RORA: variants seen among roughly 807,000 people sequenced by gnomAD.
RORA encodes the protein RAR related orphan receptor A.
Under a neutral mutation model 69.5 loss-of-function variants are expected in RORA, and 7 were observed. The observed-to-expected ratio is 0.10, with a 90% CI of 0.06 to 0.19. The LOEUF (loss-of-function observed/expected upper bound fraction) is 0.19. Ranked by LOEUF, RORA falls within the 10% of genes least tolerant of loss-of-function variation. The pLI is 1.00. For missense variants in RORA, 457 were observed against 663.0 expected, an observed-to-expected ratio of 0.69 and a Z score of 3.41; for synonymous variants, 261 against 240.8, an observed-to-expected ratio of 1.08 and a Z score of -0.78.
At chr15:61,108,370 T>A (rs1317991490) in intron 1 of RORA, among the ~76,000 whole-genome samples, 1 of 152,206 alleles carries the variant, frequency 6.6e-6, no homozygotes, top group Non-Finnish European at 1.5e-5. Flanking sequence ...CCCTGCACAA[T>A]GTTACTGCTA....
At chr15:61,177,123 C>T (rs1816624) in intron 1 of RORA, among the ~76,000 whole-genome samples, 117,818 of 152,164 alleles carry the variant, frequency 0.77, 45,938 homozygotes, top group Non-Finnish European at 0.81. Flanking sequence ...TTCTGTGAAG[C>T]GATGGAAGGA....
chr15:61,124,585 A>G (rs1424778922), intron 1 of RORA, among the ~76,000 whole-genome samples: 1 of 152,242 alleles, frequency 6.6e-6, no homozygotes, highest in African/African-American at 2.4e-5. Context: ...TCATTCTTTA[A>G]AAGCAATGCC....
chr15:60,958,488 CTG>C (rs1245737887), intron 1 of RORA, among the ~76,000 whole-genome samples: 13 of 152,106 alleles, frequency 8.5e-5, no homozygotes, highest in Non-Finnish European at 1.3e-4. Context: ...AACTGAATAA[CTG>C]TATATTAATT....
At chr15:60,642,728 T>A (rs910857975) in intron 2 of RORA, among the ~76,000 whole-genome samples, 1 of 151,984 alleles carries the variant, frequency 6.6e-6, no homozygotes, top group African/African-American at 2.4e-5. Flanking sequence ...AAAAAAAATT[T>A]AAAAATTAGC....
intron 1 of RORA, among the ~76,000 whole-genome samples, chr15:60,715,434 G>A (rs914551101): frequency 3.9e-5 from 6 of 152,172 alleles, no homozygotes; most frequent in Non-Finnish European, 8.8e-5. Context: ...AACTTTCATG[G>A]TGTTTCTCCA....
At chr15:60,784,261 A>T (rs1034104235) in intron 1 of RORA, among the ~76,000 whole-genome samples, 19 of 152,168 alleles carry the variant, frequency 1.2e-4, no homozygotes, top group African/African-American at 4.1e-4. Flanking sequence ...TGTTCATGTT[A>T]TTCCTTTGCA....
chr15:61,206,164 AT>A (rs2079939287), intron 1 of RORA, among the ~76,000 whole-genome samples: 1 of 44,662 alleles, frequency 2.2e-5, no homozygotes, highest in Admixed American at 1.8e-4. Context: ...CTCATTGAGG[AT>A]GCAGATAATA....
At chr15:60,897,217 C>G (rs1303402645) in intron 1 of RORA, among the ~76,000 whole-genome samples, 2 of 152,218 alleles carry the variant, frequency 1.3e-5, no homozygotes, top group Non-Finnish European at 2.9e-5. Context: ...TGCCACTTCA[C>G]TCATCTGTGG....
At chr15:61,029,245 A>T (rs562645847) in intron 1 of RORA, among the ~76,000 whole-genome samples, 67 of 152,290 alleles carry the variant, frequency 4.4e-4, no homozygotes, top group African/African-American at 1.6e-3. Context: ...GGAAATGACA[A>T]GCTGAGGAGC....
intron 2 of RORA, among the ~76,000 whole-genome samples, chr15:60,654,288 A>T (rs1179319214): frequency 6.6e-6 from 1 of 152,218 alleles, no homozygotes; most frequent in Non-Finnish European, 1.5e-5. Context: ...GTTTTAGAAG[A>T]GGCCGATTTA....
chr15:60,627,093 A>G (rs951661029), intron 2 of RORA: 7 of 735,636 alleles, frequency 9.5e-6, no homozygotes, highest in Non-Finnish European at 1.5e-5. Context: ...GCTGAAGGGT[A>G]ACAGTCCTCA....
At chr15:60,698,954 A>T (rs1241464221) in intron 1 of RORA, among the ~76,000 whole-genome samples, 10 of 151,858 alleles carry the variant, frequency 6.6e-5, no homozygotes, top group Admixed American at 6.6e-4. Flanking sequence ...ATCTTTGCTC[A>T]CTTTTGTATT....
At chr15:61,200,145 A>G (rs1057269008) in intron 1 of RORA, among the ~76,000 whole-genome samples, 3 of 152,224 alleles carry the variant, frequency 2.0e-5, no homozygotes, top group African/African-American at 7.2e-5. Context: ...AAGTTGTGGT[A>G]AGGACTGGGG....
rs181511838 is a variant in RORA, at chr15:60,937,462, A to G, written c.167-258776T>C. ...CTCATTATGCCAAGAGTTACCAAAC[A>G]GCACAGGAAAATATTATCACAGATT... On this transcript the variant is annotated intron_variant, in intron 1 of 10. Coordinates refer to ENST00000335670, the MANE Select transcript of RORA (RefSeq NM_134261.3). Among the ~76,000 whole-genome samples the G allele has an allele frequency of 4.6e-5, 7 of 152,332 alleles. No individual in the cohort carries two copies. The East Asian group carries it at 1.2e-3, about 25-fold the overall frequency.
rs1439424039 is a variant in RORA, at chr15:60,905,772, G to C, written c.167-227086C>G. Among the ~76,000 whole-genome samples, 1 of 152,146 alleles carries C rather than the reference G, an allele frequency of 6.6e-6. No individual in the cohort carries two copies. The highest frequency in any genetic ancestry group is 2.4e-5 in the African/African-American group (1 of 41,442). The stretch of plus-strand genomic sequence containing the variant: ...TGCTGAGCAGGTTAGAGCCGGCCTG[G>C]TTCTTGGGGCACCCCCTAGTGACAT... On this transcript the variant is annotated intron_variant, in intron 1 of 10. Coordinates refer to ENST00000335670, the MANE Select transcript of RORA (RefSeq NM_134261.3). The surrounding 1 kb of genome is among the most constrained non-coding windows in gnomAD (Gnocchi z 4.8).
chr15:60,975,402 T>C (rs1893847810), intron 1 of RORA, among the ~76,000 whole-genome samples: 6 of 152,200 alleles, frequency 3.9e-5, no homozygotes, highest in Admixed American at 3.3e-4. Context: ...GTCCTGTCAC[T>C]GTCAAGGCAT....
chr15:60,694,914 A>G (rs1355909805), intron 1 of RORA, among the ~76,000 whole-genome samples: 1 of 152,220 alleles, frequency 6.6e-6, no homozygotes, highest in Non-Finnish European at 1.5e-5. Flanking sequence ...TACCTCATTA[A>G]TGGACAACGT....
At chr15:60,547,324 CT>C (rs368737897) in intron 2 of RORA, among the ~76,000 whole-genome samples, 2,471 of 136,734 alleles carry the variant, frequency 0.018, 76 homozygotes, top group African/African-American at 0.06. Context: ...CCCTCTCCTC[CT>C]TTTTTTTTTT....
chr15:61,193,923 C>G (rs1332620395), intron 1 of RORA: 2 of 152,102 alleles, frequency 1.3e-5, no homozygotes, highest in African/African-American at 4.8e-5. Flanking sequence ...TAACGCGGCC[C>G]CTTTTTCAAG....
Sources: gnomAD v4.1 joint callset for allele counts (sites outside exome capture counted in the v4.1 genomes callset) on GRCh38, gnomAD v4.1.1 for gene constraint, Gnocchi (gnomAD v3.1) non-coding constraint, MANE v1.5 for transcripts, NCBI Gene and HGNC (gene_info 2026-07-23, HGNC 2026-07-21) for gene names.